The following DMD variants were observed in gnomAD, a reference collection of about 807,000 sequenced individuals.
The protein encoded by DMD is mutant dystrophin.
Under a neutral mutation model 330.1 loss-of-function variants are expected in DMD, and 63 were observed. That is an observed-to-expected ratio of 0.19 (90% CI 0.16 to 0.24). The LOEUF (loss-of-function observed/expected upper bound fraction) is 0.24. DMD is among the 10% of genes least tolerant of loss of function. The probability of loss-of-function intolerance (pLI) is 1.00; values close to 1 mark genes in which losing one functional copy is unlikely to be tolerated. For missense variants in DMD, 3,344 were observed against 2,684.1 expected, an observed-to-expected ratio of 1.25 and a Z score of -5.43; for synonymous variants, 1,223 against 959.8, an observed-to-expected ratio of 1.27 and a Z score of -5.07.
chrX:32,346,681 T>C (rs1204736039), intron 38 of DMD, among the ~76,000 whole-genome samples: 4 of 111,729 alleles, frequency 3.6e-5, no homozygotes, highest in Non-Finnish European at 7.6e-5. Context: ...TTCTAAAATA[T>C]GTCATATATG....
chrX:32,565,843 C>A lies in DMD; in HGVS notation c.1851G>T (p.Met617Ile). Reference sequence around the variant, plus strand: ...CTTGTTTGAGTGAATACAGTTTGCCCATGGATTGCTTTTTCTTTTCTAGAT... The same window carrying A: ...CTTGTTTGAGTGAATACAGTTTGCCAATGGATTGCTTTTTCTTTTCTAGAT... ...KADLEKKKQS[M>I]GKLYSLKQDL... Residue 617 changes from methionine (M) to isoleucine (I), a missense_variant, in exon 16 of 79, where the codon ATG (methionine) becomes ATT (isoleucine). Physicochemically the swap from Met to Ile is conservative, Grantham distance 10. Coordinates refer to ENST00000357033, the MANE Select transcript of DMD (RefSeq NM_004006.3). 1 of 1,211,302 alleles carries A rather than the reference C, an allele frequency of 8.3e-7. No homozygotes were observed. The highest frequency in any genetic ancestry group is 1.1e-6 in the Non-Finnish European group (1 of 895,243).
At chrX:32,325,114 T>C (rs190189336) in intron 41 of DMD, among the ~76,000 whole-genome samples, 2 of 111,254 alleles carry the variant, frequency 1.8e-5, no homozygotes, top group Non-Finnish European at 3.8e-5. Context: ...TATATCTATA[T>C]ATACTATTCA....
At chrX:31,847,976 A>G (rs2093456968) in intron 48 of DMD, among the ~76,000 whole-genome samples, 1 of 112,002 alleles carries the variant, frequency 8.9e-6, no homozygotes, top group Non-Finnish European at 1.9e-5. Context: ...CAGAGTTGAG[A>G]TTATATCCAG....
At chrX:31,789,334 G>C (rs887811335) in intron 50 of DMD, among the ~76,000 whole-genome samples, 1 of 110,474 alleles carries the variant, frequency 9.1e-6, no homozygotes, top group Non-Finnish European at 1.9e-5. Flanking sequence ...ACTTAACTTT[G>C]ATTGCATACA....
intron 51 of DMD, among the ~76,000 whole-genome samples, chrX:31,732,239 C>T (rs1201328786): frequency 1.8e-5 from 2 of 111,576 alleles, no homozygotes; most frequent in African/African-American, 6.5e-5. Flanking sequence ...TCAACACATA[C>T]AAACATTCAT....
intron 7 of DMD, among the ~76,000 whole-genome samples, chrX:32,733,879 C>G (rs1315450842): frequency 1.9e-5 from 2 of 103,167 alleles, no homozygotes; most frequent in Non-Finnish European, 3.9e-5. Context: ...CAAACACATT[C>G]AAAAGCTAGC....
intron 1 of DMD, among the ~76,000 whole-genome samples, chrX:33,141,110 G>C (rs2047774194): frequency 1.8e-5 from 2 of 111,658 alleles, no homozygotes; most frequent in South Asian, 3.7e-4. Flanking sequence ...AAAATTAAGA[G>C]AGGCAGAGTT....
At chrX:32,342,780 G>C (rs1413039125) in intron 40 of DMD, 1 of 344,656 alleles carries the variant, frequency 2.9e-6, no homozygotes, top group African/African-American at 2.6e-5. Context: ...GATGTGTGAA[G>C]ATGCTCTGAT....
Position 32,140,260 on chromosome X carries a change from T to A in DMD, c.6438+76656A>T, listed in dbSNP as rs545469653. On this transcript the variant is annotated intron_variant, in intron 44 of 78. Transcript: ENST00000357033. ...AAATGGAACTGAGTTGTTCCTAAGA[T>A]GTTTAACTAAAGTGATTAAATGGGC... Among the ~76,000 whole-genome samples, 10 of 112,351 alleles carry A rather than the reference T, an allele frequency of 8.9e-5. No individual in the cohort carries two copies. The South Asian group carries it at 3.7e-3, about 41-fold the overall frequency.
intron 44 of DMD, among the ~76,000 whole-genome samples, chrX:32,043,664 C>T (rs2096030726): frequency 1.8e-5 from 2 of 111,281 alleles, no homozygotes; most frequent in African/African-American, 6.5e-5. Context: ...CTATGAGAGA[C>T]GATTATTAGA....
At chrX:32,783,674 G>T (rs1055784923) in intron 7 of DMD, among the ~76,000 whole-genome samples, 1 of 110,171 alleles carries the variant, frequency 9.1e-6, no homozygotes, top group Non-Finnish European at 1.9e-5. Flanking sequence ...TATTGTATTA[G>T]GTATTATAAG....
chrX:32,627,622 G>C (rs111684743), intron 11 of DMD, among the ~76,000 whole-genome samples: 1 of 110,690 alleles, frequency 9.0e-6, no homozygotes, highest in Non-Finnish European at 1.9e-5. Flanking sequence ...AGGTAGTTTG[G>C]CTCCGGGGCC....
intron 1 of DMD, among the ~76,000 whole-genome samples, chrX:33,070,819 C>T (rs900790088): frequency 3.9e-5 from 4 of 103,704 alleles, no homozygotes; most frequent in African/African-American, 1.0e-4. Flanking sequence ...TCTAAGATGG[C>T]GAATATTGAC....
intron 2 of DMD, among the ~76,000 whole-genome samples, chrX:32,852,036 G>T (rs1471039311): frequency 3.6e-5 from 4 of 111,477 alleles, no homozygotes; most frequent in Non-Finnish European, 7.5e-5. Flanking sequence ...GAAGTCAGGG[G>T]ACTTGGTGGG....
intron 44 of DMD, among the ~76,000 whole-genome samples, chrX:32,160,211 T>G (rs1451471309): frequency 1.3e-4 from 10 of 78,365 alleles, no homozygotes; most frequent in African/African-American, 3.0e-4. Context: ...CAACTTTGGT[T>G]TTTTTTTTTT....
intron 1 of DMD, among the ~76,000 whole-genome samples, chrX:33,058,316 TG>T (rs1277343483): frequency 9.0e-6 from 1 of 111,227 alleles, no homozygotes; most frequent in Non-Finnish European, 1.9e-5. Context: ...AGACAGGGTC[TG>T]ACTCTGTCCC....
intron 1 of DMD, among the ~76,000 whole-genome samples, chrX:33,302,750 A>G (rs377007820): frequency 9.0e-6 from 1 of 111,731 alleles, no homozygotes; most frequent in East Asian, 2.8e-4. Context: ...ATTTGTTACA[A>G]TTGATGAACC....
intron 1 of DMD, among the ~76,000 whole-genome samples, chrX:33,131,218 T>C (rs1342185185): frequency 9.0e-6 from 1 of 111,136 alleles, no homozygotes; most frequent in African/African-American, 3.3e-5. Flanking sequence ...TGGTGGTCTT[T>C]GGACAACACA....
At chrX:31,622,655 C>T (rs1199848808) in intron 55 of DMD, among the ~76,000 whole-genome samples, 1 of 108,943 alleles carries the variant, frequency 9.2e-6, no homozygotes, top group Admixed American at 9.9e-5. Context: ...AGGCCCTGAT[C>T]TTGGAATCCC....
Sources: gnomAD v4.1 joint callset for allele counts (sites outside exome capture counted in the v4.1 genomes callset) on GRCh38, gnomAD v4.1.1 for gene constraint, MANE v1.5 for transcripts, NCBI Gene and HGNC (gene_info 2026-07-23, HGNC 2026-07-21) for gene names.